ADK: variants seen among roughly 807,000 people sequenced by gnomAD.
ADK encodes the protein N6,N6-dimethyladenosine kinase.
ADK carries 24 observed loss-of-function variants against 44.7 expected under a neutral mutation model. The observed-to-expected ratio is 0.54, with a 90% CI of 0.39 to 0.76. The LOEUF is 0.76. Ranked by LOEUF, ADK falls within the 30% of genes least tolerant of loss-of-function variation. The probability of loss-of-function intolerance (pLI) is 0.00; values close to 1 mark genes in which losing one functional copy is unlikely to be tolerated. For missense variants in ADK, 321 were observed against 425.1 expected, an observed-to-expected ratio of 0.76 and a Z score of 2.15; for synonymous variants, 128 against 142.6, an observed-to-expected ratio of 0.90 and a Z score of 0.73.
chr10:74,615,435 AACC>A (rs1353311692), intron 9 of ADK, among the ~76,000 whole-genome samples: 1 of 152,182 alleles, frequency 6.6e-6, no homozygotes, highest in East Asian at 1.9e-4. Flanking sequence ...AAGATCATGT[AACC>A]ACCACCATAG....
chr10:74,538,753 G>A (rs1200741473), intron 7 of ADK, among the ~76,000 whole-genome samples: 5 of 152,078 alleles, frequency 3.3e-5, no homozygotes, highest in Non-Finnish European at 5.9e-5. Flanking sequence ...ACTGCCATGG[G>A]GATGGGAAGA....
chr10:74,555,730 A>T (rs929117405), intron 7 of ADK, among the ~76,000 whole-genome samples: 1 of 152,220 alleles, frequency 6.6e-6, no homozygotes, highest in African/African-American at 2.4e-5. Flanking sequence ...GTAATCAAGG[A>T]TGATCATGTC....
intron 3 of ADK, among the ~76,000 whole-genome samples, chr10:74,301,513 C>CA (rs34310248): frequency 0.061 from 3,396 of 55,782 alleles, 96 homozygotes; most frequent in Non-Finnish European, 0.08. Flanking sequence ...GACTCTGTCT[C>CA]AAAAAAAAAA....
At chr10:74,185,842 G>GAAAAA (rs71021593) in intron 1 of ADK, among the ~76,000 whole-genome samples, 160 of 65,796 alleles carry the variant, frequency 2.4e-3, no homozygotes, top group East Asian at 3.4e-3. Flanking sequence ...GTCTCAAAAA[G>GAAAAA]AAAAAAAAAA....
At chr10:74,318,031 C>T (rs898442607) in intron 4 of ADK, among the ~76,000 whole-genome samples, 30 of 152,238 alleles carry the variant, frequency 2.0e-4, no homozygotes, top group African/African-American at 7.2e-4. Flanking sequence ...CCACCCGCCT[C>T]GGCTTCCCAA....
chr10:74,613,809 A>T (rs1852643699), intron 9 of ADK, among the ~76,000 whole-genome samples: 1 of 152,144 alleles, frequency 6.6e-6, no homozygotes, highest in Non-Finnish European at 1.5e-5. Context: ...CATGATCCCA[A>T]CTCAAAATAT....
intron 6 of ADK, among the ~76,000 whole-genome samples, chr10:74,452,230 A>G (rs1210411508): frequency 1.3e-5 from 2 of 152,006 alleles, no homozygotes; most frequent in African/African-American, 4.8e-5. Flanking sequence ...AATTTTATCT[A>G]AACTCGGATT....
chr10:74,219,703 G>A (rs1844217179), intron 2 of ADK, among the ~76,000 whole-genome samples: 2 of 150,994 alleles, frequency 1.3e-5, no homozygotes, highest in African/African-American at 2.4e-5. Context: ...CTAGAACTCA[G>A]GATTAAGAAA....
At chr10:74,426,943 C>T (rs1319914848) in intron 6 of ADK, among the ~76,000 whole-genome samples, 1 of 152,090 alleles carries the variant, frequency 6.6e-6, no homozygotes, top group African/African-American at 2.4e-5. Flanking sequence ...CCTCCCCTAA[C>T]CCCCCAAGCC....
chr10:74,174,358 CAGGTAAT>C (rs1842259051), intron 1 of ADK: 1 of 131,644 alleles, frequency 7.6e-6, no homozygotes, highest in African/African-American at 2.8e-5. Context: ...TAAAGTCATA[CAGGTAAT>C]AGGAAGTCAA....
At chr10:74,512,735 T>C (rs1187819437) in intron 6 of ADK, among the ~76,000 whole-genome samples, 1 of 92 alleles carries the variant, frequency 0.011, no homozygotes. Flanking sequence ...TGTTGATCTT[T>C]TGTATTTTTT....
chr10:74,250,925 A>G (rs1845628851), intron 3 of ADK, among the ~76,000 whole-genome samples: 2 of 151,858 alleles, frequency 1.3e-5, no homozygotes, highest in African/African-American at 2.4e-5. Context: ...TATTTTTGGT[A>G]GAGACAAGGT....
intron 7 of ADK, among the ~76,000 whole-genome samples, chr10:74,546,309 A>G (rs1478884134): frequency 6.6e-6 from 1 of 152,176 alleles, no homozygotes; most frequent in Non-Finnish European, 1.5e-5. Flanking sequence ...TTGTGAGACT[A>G]GGTCGACTTA....
intron 9 of ADK, among the ~76,000 whole-genome samples, chr10:74,629,442 G>A (rs1030049118): frequency 6.6e-6 from 1 of 152,114 alleles, no homozygotes; most frequent in Non-Finnish European, 1.5e-5. Flanking sequence ...AGGAGCTCAC[G>A]CAAGCAAAAT....
At chr10:74,458,328 G>A (rs1184475479) in intron 6 of ADK, among the ~76,000 whole-genome samples, 2 of 134,808 alleles carry the variant, frequency 1.5e-5, no homozygotes, top group East Asian at 4.2e-4. Flanking sequence ...TGCAGAGACA[G>A]GGGGTTTTCT....
intron 9 of ADK, among the ~76,000 whole-genome samples, chr10:74,653,507 CT>C (rs141601810): frequency 0.018 from 2,771 of 151,590 alleles, 73 homozygotes; most frequent in African/African-American, 0.061. Context: ...ATTTCTGCAA[CT>C]TTTTTTTTCC....
intron 9 of ADK, among the ~76,000 whole-genome samples, chr10:74,653,914 C>G (rs1854381020): frequency 6.6e-6 from 1 of 152,186 alleles, no homozygotes; most frequent in African/African-American, 2.4e-5. Context: ...ATATCCTTGT[C>G]TTTCAGTATA....
At chr10:74,527,537 C>T in intron 7 of ADK, 2 of 677,446 alleles carry the variant, frequency 3.0e-6, no homozygotes, top group East Asian at 5.4e-5. Flanking sequence ...TATAGCAGAG[C>T]ACGCAGAAAA....
At chr10:74,247,832 T>C (rs182788228) in intron 3 of ADK, among the ~76,000 whole-genome samples, 5 of 152,288 alleles carry the variant, frequency 3.3e-5, no homozygotes, top group Admixed American at 1.3e-4. Flanking sequence ...TTTCCTTTTT[T>C]TCCCCCCTTC....
Sources: allele counts gnomAD v4.1 joint callset (sites outside exome capture counted in the v4.1 genomes callset), GRCh38; gene constraint gnomAD v4.1.1; transcripts MANE v1.5; gene names NCBI Gene and HGNC (gene_info 2026-07-23, HGNC 2026-07-21).